Variants in C1QTNF7 observed in about 807,000 individuals in gnomAD.
C1QTNF7 encodes complement C1q tumor necrosis factor-related protein 7.
In C1QTNF7, 15 loss-of-function variants were observed where a neutral mutation model predicts 19.6. The observed-to-expected ratio is 0.76, with a 90% CI of 0.51 to 1.18. C1QTNF7 has a LOEUF of 1.18. Ranked by LOEUF, C1QTNF7 falls within the 50% of genes most tolerant of loss-of-function variation. The probability of loss-of-function intolerance (pLI) is 0.00; values close to 1 mark genes in which losing one functional copy is unlikely to be tolerated. For synonymous variants in C1QTNF7, 142 were observed against 137.5 expected (o/e 1.03, Z -0.23); for missense variants, 324 against 359.7 (o/e 0.90, Z 0.80).
intron 1 of C1QTNF7, among the ~76,000 whole-genome samples, chr4:15,363,625 G>C (rs950474842): frequency 3.9e-5 from 6 of 152,094 alleles, no homozygotes; most frequent in African/African-American, 1.4e-4. Context: ...TAGCCACAAA[G>C]GCTCCCAGGA....
At chr4:15,372,343 C>G (rs1289372874) in intron 1 of C1QTNF7, among the ~76,000 whole-genome samples, 1 of 152,172 alleles carries the variant, frequency 6.6e-6, no homozygotes, top group Non-Finnish European at 1.5e-5. Flanking sequence ...AAAGATCTCC[C>G]TCTGCCCACC....
intron 1 of C1QTNF7, among the ~76,000 whole-genome samples, chr4:15,411,802 C>T (rs1577266064): frequency 1.3e-5 from 2 of 152,150 alleles, no homozygotes; most frequent in East Asian, 3.9e-4. Context: ...GCTTCCAGGG[C>T]TACATTCCTC....
At chr4:15,377,466 C>G (rs1717982346) in intron 1 of C1QTNF7, among the ~76,000 whole-genome samples, 1 of 152,104 alleles carries the variant, frequency 6.6e-6, no homozygotes, top group African/African-American at 2.4e-5. Context: ...GATTCATCAT[C>G]AAATTGAAAT....
At chr4:15,356,345 C>T (rs1299738862) in intron 1 of C1QTNF7, among the ~76,000 whole-genome samples, 2 of 151,714 alleles carry the variant, frequency 1.3e-5, no homozygotes, top group Non-Finnish European at 2.9e-5. Context: ...TGAGAACATG[C>T]AGTGTTTGGT....
intron 1 of C1QTNF7, among the ~76,000 whole-genome samples, chr4:15,420,544 G>A (rs2108925295): frequency 6.6e-6 from 1 of 152,298 alleles, no homozygotes; most frequent in South Asian, 2.1e-4. Context: ...GCACAAATGT[G>A]TCAGTCAACA....
intron 1 of C1QTNF7, among the ~76,000 whole-genome samples, chr4:15,341,700 C>T (rs979940801): frequency 2.6e-5 from 4 of 152,226 alleles, no homozygotes; most frequent in African/African-American, 9.6e-5. Context: ...ATTACTGTCT[C>T]CTTCCCGGTC....
At chr4:15,345,882 G>T (rs991278098) in intron 1 of C1QTNF7, among the ~76,000 whole-genome samples, 1 of 152,140 alleles carries the variant, frequency 6.6e-6, no homozygotes, top group African/African-American at 2.4e-5. Flanking sequence ...ATGAGGAGAG[G>T]TAAGTAGCTC....
intron 1 of C1QTNF7, among the ~76,000 whole-genome samples, chr4:15,396,212 C>T (rs1471088562): frequency 6.6e-6 from 1 of 152,154 alleles, no homozygotes; most frequent in African/African-American, 2.4e-5. Context: ...AAGATTCAGC[C>T]ACTTGTACCG....
intron 1 of C1QTNF7, among the ~76,000 whole-genome samples, chr4:15,422,847 G>T (rs563666860): frequency 3.3e-5 from 5 of 151,954 alleles, no homozygotes; most frequent in African/African-American, 1.2e-4. Context: ...GGTCTCAAGC[G>T]ATCTTCCCAC....
At chr4:15,368,282 T>C (rs1317549518) in intron 1 of C1QTNF7, among the ~76,000 whole-genome samples, 1 of 152,156 alleles carries the variant, frequency 6.6e-6, no homozygotes, top group Non-Finnish European at 1.5e-5. Flanking sequence ...TTTCTTTTTA[T>C]TTTATTTTAA....
intron 1 of C1QTNF7, among the ~76,000 whole-genome samples, chr4:15,350,980 T>C (rs563532373): frequency 6.5e-4 from 99 of 152,332 alleles, no homozygotes; most frequent in African/African-American, 2.3e-3. Flanking sequence ...CAACTTGGAT[T>C]AAAATCCAAG....
intron 1 of C1QTNF7, among the ~76,000 whole-genome samples, chr4:15,378,431 GA>G (rs1376678699): frequency 3.9e-5 from 6 of 152,090 alleles, no homozygotes; most frequent in South Asian, 4.1e-4. Flanking sequence ...AAAGAAGAAA[GA>G]AAAAAATCTC....
intron 1 of C1QTNF7, among the ~76,000 whole-genome samples, chr4:15,382,527 G>A (rs1225813926): frequency 6.6e-6 from 1 of 152,026 alleles, no homozygotes; most frequent in Non-Finnish European, 1.5e-5. Flanking sequence ...CTGGAAAAAA[G>A]AATTAACATA....
At chr4:15,342,084 G>T (rs1716562964) in intron 1 of C1QTNF7, among the ~76,000 whole-genome samples, 1 of 152,220 alleles carries the variant, frequency 6.6e-6, no homozygotes, top group African/African-American at 2.4e-5. Context: ...TCACTGGGGG[G>T]CTTTGTAATG....
At chr4:15,378,110 G>A (rs955027238) in intron 1 of C1QTNF7, among the ~76,000 whole-genome samples, 5 of 152,218 alleles carry the variant, frequency 3.3e-5, no homozygotes, top group Non-Finnish European at 7.3e-5. Context: ...ACAAGACACA[G>A]TGACTAGGTG....
intron 1 of C1QTNF7, among the ~76,000 whole-genome samples, chr4:15,414,263 C>T (rs978067037): frequency 6.6e-6 from 1 of 152,154 alleles, no homozygotes; most frequent in East Asian, 1.9e-4. Context: ...AGGGAGAGAA[C>T]AACAAACAAA....
chr4:15,389,366 G>T (rs1283879569), intron 1 of C1QTNF7, among the ~76,000 whole-genome samples: 63 of 152,238 alleles, frequency 4.1e-4, no homozygotes, highest in Non-Finnish European at 2.9e-5. Context: ...AACCATGACA[G>T]GTCTGTGGCT....
intron 1 of C1QTNF7, among the ~76,000 whole-genome samples, chr4:15,403,597 T>C (rs770905337): frequency 4.1e-4 from 62 of 152,172 alleles, no homozygotes; most frequent in Non-Finnish European, 6.9e-4. Flanking sequence ...TCAGGATACA[T>C]TGGATTTAGG....
intron 1 of C1QTNF7, among the ~76,000 whole-genome samples, chr4:15,392,302 G>A (rs756180475): frequency 3.3e-5 from 5 of 152,070 alleles, no homozygotes; most frequent in African/African-American, 4.8e-5. Flanking sequence ...TATCTAGGGG[G>A]CGCTTACTTA....
Sources: gnomAD v4.1 joint callset for allele counts (sites outside exome capture counted in the v4.1 genomes callset) on GRCh38, gnomAD v4.1.1 for gene constraint, MANE v1.5 for transcripts, NCBI Gene and HGNC (gene_info 2026-07-23, HGNC 2026-07-21) for gene names.